FRMPD4: variants seen among roughly 807,000 people sequenced by gnomAD.
FRMPD4 encodes FERM and PDZ domain containing 4.
A neutral mutation model predicts 94.1 loss-of-function variants in FRMPD4; 22 were observed. That is an observed-to-expected ratio of 0.23 (90% CI 0.17 to 0.33). The LOEUF (loss-of-function observed/expected upper bound fraction) is 0.33. Ranked by LOEUF, FRMPD4 falls within the 10% of genes least tolerant of loss-of-function variation. The pLI is 1.00. For synonymous variants in FRMPD4, 631 were observed against 548.6 expected (o/e 1.15, Z -2.10); for missense variants, 1,111 against 1,339.9 (o/e 0.83, Z 2.67).
At chrX:11,851,772 A>C (rs912025690) in intron 1 of FRMPD4, among the ~76,000 whole-genome samples, 3 of 111,520 alleles carry the variant, frequency 2.7e-5, no homozygotes, top group African/African-American at 9.8e-5. Flanking sequence ...ACAAAGACCT[A>C]AGAAATGAAT....
chrX:11,835,384 CCTCCATCT>C (rs770284481), intron 1 of FRMPD4, among the ~76,000 whole-genome samples: 212 of 112,312 alleles, frequency 1.9e-3, no homozygotes, highest in South Asian at 3.0e-3. Context: ...TTCTCTCCCT[CCTCCATCT>C]CCTTCTTTCT....
At chrX:11,889,532 G>A (rs1445732200) in intron 3 of FRMPD4, among the ~76,000 whole-genome samples, 1 of 112,397 alleles carries the variant, frequency 8.9e-6, no homozygotes, top group Non-Finnish European at 1.9e-5. Flanking sequence ...ATTATTCCAA[G>A]TGTTGTGGCT....
intron 1 of FRMPD4, among the ~76,000 whole-genome samples, chrX:12,432,010 T>A (rs981391281): frequency 1.8e-5 from 2 of 112,234 alleles, no homozygotes; most frequent in Non-Finnish European, 3.8e-5. Flanking sequence ...AGCCCCTCCC[T>A]GCCTGCCTTA....
At chrX:12,644,273 T>TCTCCC (rs2059527234) in intron 4 of FRMPD4, among the ~76,000 whole-genome samples, 1 of 111,450 alleles carries the variant, frequency 9.0e-6, no homozygotes, top group African/African-American at 3.3e-5. Context: ...GGTTTCACTG[T>TCTCCC]ATTGCCCAGG....
At chrX:12,177,844 T>A (rs183631905) in intron 1 of FRMPD4, among the ~76,000 whole-genome samples, 99 of 112,126 alleles carry the variant, frequency 8.8e-4, no homozygotes, top group African/African-American at 3.1e-3. Flanking sequence ...GTGAGCACTT[T>A]GAGTGAGAAG....
At chrX:12,500,013 T>TTTTG (rs769312874) in intron 2 of FRMPD4, among the ~76,000 whole-genome samples, 13 of 111,980 alleles carry the variant, frequency 1.2e-4, no homozygotes, top group Admixed American at 6.6e-4. Flanking sequence ...TGTTTCGTTT[T>TTTTG]TTTGTTTGTT....
At position 11,880,824 on chromosome X, in the gene FRMPD4, G is replaced by A. The variant is rs191137000; in HGVS notation, c.95+2806G>A. Among the ~76,000 whole-genome samples, 383 of 111,213 alleles carry A rather than the reference G, an allele frequency of 3.4e-3. 1 individual carries two copies. The highest frequency in any genetic ancestry group is 0.014 in the Middle Eastern group (3 of 219). The stretch of plus-strand genomic sequence containing the variant: ...CACCTGGCTAATCTTTGTACTTTTA[G>A]TAGAGATGGGGTTTCACCATGTTGG... On this transcript the variant is annotated intron_variant, in intron 3 of 18. Transcript: ENST00000640291.
At chrX:12,704,581 AC>A in intron 11 of FRMPD4, 96 bp downstream of exon 11, 1 of 596,658 alleles carries the variant, frequency 1.7e-6, no homozygotes, top group Non-Finnish European at 2.6e-6. Flanking sequence ...AATACTTAGT[AC>A]CATATTTTCA....
At chrX:12,640,086 C>T (rs777415714) in intron 4 of FRMPD4, among the ~76,000 whole-genome samples, 2 of 110,330 alleles carry the variant, frequency 1.8e-5, no homozygotes, top group Admixed American at 9.7e-5. Flanking sequence ...ATATCCTGAG[C>T]TCAGGAGTTC....
Position 12,721,768 on chromosome X carries a change from T to A in FRMPD4, c.5199T>A (p.Pro1733=), listed in dbSNP as rs1195828511. The change falls in exon 17 of 17, where the codon CCT becomes CCA. Residue 1733 remains proline (P), a synonymous_variant. Transcript: ENST00000675598. The part of the protein sequence containing the change: ...EAATGKNPGD[P]NVGLSARHST... ...CCACTGGAAAGAACCCTGGGGACCC[T>A]AATGTTGGACTCTCGGCGCGACACT... 2 of 752,818 alleles carry A rather than the reference T, an allele frequency of 2.7e-6. No individual in the cohort carries two copies. The highest frequency in any genetic ancestry group is 3.0e-4 in the East Asian group (2 of 6,649). The allele number at this position is 752,818 out of a possible 1,213,427, so 62.0% of individuals were successfully genotyped here. A position where few individuals can be genotyped will look rare whatever the true frequency, so the allele number is the denominator to read the frequency against.
chrX:12,494,652 T>C (rs1487925826), intron 1 of FRMPD4, among the ~76,000 whole-genome samples: 1 of 111,823 alleles, frequency 8.9e-6, no homozygotes, highest in African/African-American at 3.3e-5. Flanking sequence ...ATCGAGATTT[T>C]GTCCAGGACT....
chrX:12,167,499 G>C (rs16986794), intron 1 of FRMPD4, among the ~76,000 whole-genome samples: 5,465 of 111,259 alleles, frequency 0.049, 202 homozygotes, highest in African/African-American at 0.12. Flanking sequence ...TAGTTTTCTC[G>C]GATGGTGGGA....
chrX:11,864,097 G>A (rs185779606), intron 1 of FRMPD4, among the ~76,000 whole-genome samples: 5 of 111,025 alleles, frequency 4.5e-5, no homozygotes, highest in Admixed American at 9.6e-5. Flanking sequence ...TGCTGCAGGT[G>A]CTATTAGAAG....
At chrX:12,505,719 C>T (rs766105517) in intron 2 of FRMPD4, among the ~76,000 whole-genome samples, 489 of 79,133 alleles carry the variant, frequency 6.2e-3, no homozygotes, top group Admixed American at 9.2e-3. Flanking sequence ...AAGAGCAAAA[C>T]TCCATCCGAA....
chrX:12,193,774 G>GAAAA (rs748805072), intron 1 of FRMPD4, among the ~76,000 whole-genome samples: 1 of 24,733 alleles, frequency 4.0e-5, no homozygotes. Flanking sequence ...AAGAAAGAAA[G>GAAAA]GAAGGAAGGA....
chrX:12,279,518 T>C (rs2054492306), intron 1 of FRMPD4, among the ~76,000 whole-genome samples: 1 of 112,094 alleles, frequency 8.9e-6, no homozygotes, highest in Admixed American at 9.4e-5. Flanking sequence ...GAAAGTGACC[T>C]TGGTCTCTGT....
At chrX:11,963,516 A>G (rs2054294336) in intron 3 of FRMPD4, among the ~76,000 whole-genome samples, 1 of 112,421 alleles carries the variant, frequency 8.9e-6, no homozygotes, top group Non-Finnish European at 1.9e-5. Context: ...GTCTGTCATT[A>G]GCATGTTTTC....
intron 2 of FRMPD4, among the ~76,000 whole-genome samples, chrX:12,597,825 T>A (rs1185435194): frequency 1.8e-5 from 2 of 109,608 alleles, no homozygotes; most frequent in African/African-American, 7.0e-5. Context: ...TGCTATGTGG[T>A]AATGTTGAAC....
chrX:11,871,551 C>A (rs1353712251), intron 2 of FRMPD4, among the ~76,000 whole-genome samples: 1 of 112,574 alleles, frequency 8.9e-6, no homozygotes, highest in Non-Finnish European at 1.9e-5. Context: ...ATGAGATGTA[C>A]TAACAAAATT....
Sources: allele counts gnomAD v4.1 joint callset (sites outside exome capture counted in the v4.1 genomes callset), GRCh38; gene constraint gnomAD v4.1.1; transcripts MANE v1.5; gene names NCBI Gene and HGNC (gene_info 2026-07-23, HGNC 2026-07-21).